ZNF69: variants seen among roughly 807,000 people sequenced by gnomAD.
The protein encoded by ZNF69 is zinc finger protein 69, also known as ZNF3.
Under a neutral mutation model 50.9 loss-of-function variants are expected in ZNF69, and 47 were observed. That is an observed-to-expected ratio of 0.92 (90% CI 0.73 to 1.18). ZNF69 has a LOEUF of 1.18. Among genes scored for constraint, ZNF69 ranks in the 50% most tolerant of loss-of-function variants. The pLI, the probability that ZNF69 is intolerant of heterozygous loss-of-function variation, is 0.00. For synonymous variants in ZNF69, 216 were observed against 223.1 expected, an observed-to-expected ratio of 0.97 and a Z score of 0.29; for missense variants, 717 against 675.1, an observed-to-expected ratio of 1.06 and a Z score of -0.69.
chr19:11,913,370 A>G, intron 4 of ZNF69: 1 of 596,534 alleles, frequency 1.7e-6, no homozygotes, highest in Non-Finnish European at 3.0e-6. Context: ...TTACATTTTT[A>G]TCTCAACCCT....
chr19:11,964,032 C>T, the ZNF69 span, among the ~76,000 whole-genome samples: 6 of 152,222 alleles, frequency 3.9e-5, no homozygotes, highest in Non-Finnish European at 1.5e-5. Flanking sequence ...ACTGATCAGT[C>T]GGGTGAGAAG....
At chr19:11,909,859 T>A (rs1972432214), downstream of ZNF69, among the ~76,000 whole-genome samples, 2 of 150,678 alleles carry the variant, frequency 1.3e-5, no homozygotes, top group South Asian at 4.2e-4. Flanking sequence ...GGTATTCAAG[T>A]AGGAAAAGAG....
chr19:11,911,894 T>C (rs1448928498), intron 4 of ZNF69, among the ~76,000 whole-genome samples: 1 of 152,206 alleles, frequency 6.6e-6, no homozygotes, highest in Non-Finnish European at 1.5e-5. Context: ...GCTTTTATTC[T>C]GCCAAGTCAT....
At chr19:11,959,734 C>T in the ZNF69 span, among the ~76,000 whole-genome samples, 1 of 152,144 alleles carries the variant, frequency 6.6e-6, no homozygotes, top group East Asian at 1.9e-4. Flanking sequence ...GAAATAATTG[C>T]TGGCTTGTAG....
chr19:11,897,107 G>A (rs1006637408), intron 1 of ZNF69, among the ~76,000 whole-genome samples: 2 of 152,194 alleles, frequency 1.3e-5, no homozygotes, highest in South Asian at 2.1e-4. Context: ...CCAATATTTG[G>A]GAGGCTGAGG....
chr19:11,948,455 G>A, the ZNF69 span: 1 of 1,614,080 alleles, frequency 6.2e-7, no homozygotes, highest in South Asian at 1.1e-5. Context: ...TTTAATATGA[G>A]CATCAGAGGT....
the ZNF69 span, among the ~76,000 whole-genome samples, chr19:11,956,988 C>G: frequency 6.6e-6 from 1 of 152,124 alleles, no homozygotes; most frequent in Non-Finnish European, 1.5e-5. Flanking sequence ...GATCCACAGG[C>G]AGATACAGTA....
chr19:11,947,630 G>A, the ZNF69 span: 1 of 1,446,642 alleles, frequency 6.9e-7, no homozygotes, highest in Non-Finnish European at 9.6e-7. Flanking sequence ...TAGAATATGA[G>A]AATATGTTGA....
intron 4 of ZNF69, among the ~76,000 whole-genome samples, chr19:11,912,858 G>C (rs1048230276): frequency 6.6e-6 from 1 of 152,174 alleles, no homozygotes; most frequent in African/African-American, 2.4e-5. Context: ...ACAATTAACT[G>C]TTTGTAATAA....
chr19:11,910,282 A>G (rs1972438690), downstream of ZNF69, among the ~76,000 whole-genome samples: 1 of 152,236 alleles, frequency 6.6e-6, no homozygotes, highest in Admixed American at 6.5e-5. Flanking sequence ...ATCCCCATCA[A>G]GCTACCGATG....
the ZNF69 span, among the ~76,000 whole-genome samples, chr19:11,959,823 AT>A: frequency 6.6e-6 from 1 of 152,104 alleles, no homozygotes; most frequent in East Asian, 1.9e-4. Flanking sequence ...CTCACCTTTC[AT>A]GCACGTGTCT....
the ZNF69 span, among the ~76,000 whole-genome samples, chr19:11,946,033 A>G: frequency 6.6e-6 from 1 of 152,116 alleles, no homozygotes; most frequent in Non-Finnish European, 1.5e-5. Flanking sequence ...AAGAAACTCT[A>G]TGTCCTTGTC....
At chr19:11,964,608 C>G in the ZNF69 span, among the ~76,000 whole-genome samples, 1 of 152,056 alleles carries the variant, frequency 6.6e-6, no homozygotes, top group African/African-American at 2.4e-5. Context: ...TTCCCAATTC[C>G]GGCCCGCTCA....
the ZNF69 span, among the ~76,000 whole-genome samples, chr19:11,961,924 C>CACACACACACACACACAG: frequency 1.1e-4 from 10 of 94,530 alleles, no homozygotes; most frequent in Admixed American, 3.8e-4. Flanking sequence ...GCCTCTTTTA[C>CACACACACACACACACAG]ACACACACAC....
At chr19:11,928,814 T>C in the ZNF69 span, among the ~76,000 whole-genome samples, 1 of 146,564 alleles carries the variant, frequency 6.8e-6, no homozygotes, top group Non-Finnish European at 1.5e-5. Flanking sequence ...GTAGGATGGC[T>C]CACACCTGTA....
At chr19:11,888,113 C>A in intron 1 of ZNF69, 127 bp downstream of exon 1, 1 of 802,244 alleles carries the variant, frequency 1.2e-6, no homozygotes, top group Non-Finnish European at 1.9e-6. Context: ...CCTCCTGGAG[C>A]CGCTCGGCCC....
the ZNF69 span, among the ~76,000 whole-genome samples, chr19:11,930,921 C>T: frequency 6.1e-5 from 9 of 147,334 alleles, 2 homozygotes; most frequent in African/African-American, 1.9e-4. Context: ...ATCACTTGAA[C>T]CTGGGAGGTG....
the ZNF69 span, among the ~76,000 whole-genome samples, chr19:11,953,982 G>A: frequency 6.6e-6 from 1 of 152,068 alleles, no homozygotes; most frequent in African/African-American, 2.4e-5. Context: ...TGATTTATGA[G>A]GTATGAAAAT....
chr19:11,941,382 G>C, the ZNF69 span, among the ~76,000 whole-genome samples: 1 of 152,224 alleles, frequency 6.6e-6, no homozygotes, highest in Admixed American at 6.5e-5. Context: ...CCGCACAGGA[G>C]CCCATGGAGG....
Sources: allele counts gnomAD v4.1 joint callset (sites outside exome capture counted in the v4.1 genomes callset), GRCh38; gene constraint gnomAD v4.1.1; transcripts MANE v1.5; gene names NCBI Gene and HGNC (gene_info 2026-07-23, HGNC 2026-07-21).